The following SEPTIN11 variants were observed in gnomAD, a reference collection of about 807,000 sequenced individuals.
The protein encoded by SEPTIN11 is septin-11.
A neutral mutation model predicts 51.4 loss-of-function variants in SEPTIN11; 25 were observed. That is an observed-to-expected ratio of 0.49 (90% CI 0.35 to 0.68). The LOEUF is 0.68. Ranked by LOEUF, SEPTIN11 falls within the 30% of genes least tolerant of loss-of-function variation. SEPTIN11 has a pLI of 0.00. For missense variants in SEPTIN11, 381 were observed against 520.8 expected (o/e 0.73, Z 2.61); for synonymous variants, 174 against 184.1 (o/e 0.95, Z 0.44).
In SEPTIN11 at chr4:76,992,161, G is replaced by T. The variant is rs79720636; in HGVS notation, c.28-4264G>T. 6.7e-3 allele frequency among the ~76,000 whole-genome samples: 1,021 copies of T among 152,266 alleles called. 13 individuals carry two copies. Among genetic ancestry groups the T allele is most frequent in the African/African-American group, 0.023 (941 of 41,546 alleles). ...GGTTAAAACTAAGCATTATATTATA[G>T]GTTTCATGTGCCATCACTACAAAAA... is the stretch of plus-strand genomic sequence containing the variant. On this transcript the variant is annotated intron_variant, in intron 1 of 9. Transcript: ENST00000264893.
chr4:76,965,308 AGGCGTGGT>A (rs1200849310), intron 1 of SEPTIN11, among the ~76,000 whole-genome samples: 2 of 151,886 alleles, frequency 1.3e-5, no homozygotes, highest in Non-Finnish European at 2.9e-5. Flanking sequence ...AAAATTAGCC[AGGCGTGGT>A]GGCGTGCACC....
At chr4:77,008,814 C>T (rs1324822985) in intron 3 of SEPTIN11, among the ~76,000 whole-genome samples, 2 of 152,122 alleles carry the variant, frequency 1.3e-5, no homozygotes, top group Non-Finnish European at 2.9e-5. Flanking sequence ...TCCTGTCTTT[C>T]CTCTGATTGA....
At chr4:77,038,628 T>C, downstream of SEPTIN11, 2 of 994,758 alleles carry the variant, frequency 2.0e-6, no homozygotes, top group Non-Finnish European at 2.4e-6. Context: ...TGTGTGCCCT[T>C]TTTTGTGAGT....
chr4:77,035,278 T>C lies in SEPTIN11; in HGVS notation c.*766T>C, dbSNP rs1726951280. ...AAAGGTTGGATCATGTAACATTGCTTAGTAGAAGAATCTTCTTCTAAGGAT... is the reference window on the plus strand; with the variant it reads ...AAAGGTTGGATCATGTAACATTGCTCAGTAGAAGAATCTTCTTCTAAGGAT... On this transcript the variant is annotated 3_prime_UTR_variant, in exon 10 of 10. Coordinates refer to ENST00000264893, the MANE Select transcript of SEPTIN11 (RefSeq NM_018243.4). 3.0e-6 allele frequency: 3 copies of C among 985,446 alleles called. No homozygotes were observed. Among genetic ancestry groups the C allele is most frequent in the East Asian group, 1.1e-4 (1 of 8,812 alleles). The allele number at this position is 985,446 out of a possible 1,614,324, so 61.0% of individuals were successfully genotyped here. A position where few individuals can be genotyped will look rare whatever the true frequency, so the allele number is the denominator to read the frequency against.
rs189511129 is a variant in SEPTIN11, at chr4:77,036,515, A to T, written c.*2003A>T. ...CTAAAATTTTTTTAAAATGAGCATA[A>T]CAACGAAAGGCATCCAGCTGACTTT... On this transcript the variant is annotated 3_prime_UTR_variant, in exon 10 of 10. Coordinates refer to ENST00000264893, the MANE Select transcript of SEPTIN11 (RefSeq NM_018243.4). 86 of 1,363,394 alleles carry T rather than the reference A, an allele frequency of 6.3e-5. No individual in the cohort carries two copies. The highest frequency in any genetic ancestry group is 7.6e-5 in the Non-Finnish European group (81 of 1,061,402). 84.5% of individuals were successfully genotyped at this position (1,363,394 alleles called of 1,614,324 possible).
chr4:77,010,902 C>G (rs1724816778), intron 3 of SEPTIN11, among the ~76,000 whole-genome samples: 1 of 152,134 alleles, frequency 6.6e-6, no homozygotes, highest in Admixed American at 6.5e-5. Context: ...TACTTACTTC[C>G]TGGACATGTG....
In SEPTIN11 at chr4:76,981,066, G is replaced by T. The variant is rs184204567; in HGVS notation, c.28-15359G>T. Among the ~76,000 whole-genome samples, 29 of 152,328 alleles carry T rather than the reference G, an allele frequency of 1.9e-4. No homozygotes were observed. In the Middle Eastern group the frequency reaches 0.014, roughly 71 times the overall value. ...GACCCGATCTTGCTGAGAAGTCTGG[G>T]CTGCTGACCCAAACCTTTTGTGCTT... On this transcript the variant is annotated intron_variant, in intron 1 of 9. Coordinates refer to ENST00000264893, the MANE Select transcript of SEPTIN11 (RefSeq NM_018243.4).
Position 77,030,707 on chromosome 4 carries a change from T to C in SEPTIN11, c.1087-76T>C. On this transcript the variant is annotated intron_variant, in intron 8 of 9. Coordinates refer to ENST00000264893, the MANE Select transcript of SEPTIN11 (RefSeq NM_018243.4). ...ACCGTGCCTGGCCATGTTTTGTTTT[T>C]TGAACAGATCCAAAGAACTTTACAT... The C allele has an allele frequency of 7.8e-6, 11 of 1,411,784 alleles. No individual in the cohort carries two copies. In the South Asian group the frequency reaches 1.6e-4, roughly 21 times the overall value. 87.5% of individuals were successfully genotyped at this position (1,411,784 alleles called of 1,614,324 possible).
At chr4:77,001,613 G>A (rs1008705339) in intron 2 of SEPTIN11, among the ~76,000 whole-genome samples, 28 of 152,196 alleles carry the variant, frequency 1.8e-4, no homozygotes, top group African/African-American at 6.5e-4. Flanking sequence ...GCCTCCCAGA[G>A]TGTTGAGATT....
At chr4:77,006,487 C>G (rs1434738989) in intron 3 of SEPTIN11, among the ~76,000 whole-genome samples, 1 of 152,144 alleles carries the variant, frequency 6.6e-6, no homozygotes, top group Admixed American at 6.5e-5. Flanking sequence ...GTCTCAACCT[C>G]AGATGTCTTA....
intron 4 of SEPTIN11, 63 bp downstream of exon 4, chr4:77,011,984 TA>T: frequency 7.1e-7 from 1 of 1,410,494 alleles, no homozygotes; most frequent in Non-Finnish European, 9.8e-7. Context: ...CCTAATGCCC[TA>T]ATTTGTTCTC....
rs543183163 is a variant in SEPTIN11 at position 77,035,601 on chromosome 4, C to G, written c.*1089C>G. The G allele has an allele frequency of 8.2e-5, 81 of 985,408 alleles. 3 individuals carry two copies. The South Asian group carries it at 3.3e-3, about 41-fold the overall frequency. The allele number at this position is 985,408 out of a possible 1,614,324, so 61.0% of individuals were successfully genotyped here. ...AGTCAAGAAGGTAGACATTTCATAT[C>G]CAGCTTCCTTGCTTAGTCTCCTTTC... is the stretch of plus-strand genomic sequence containing the variant. On this transcript the variant is annotated 3_prime_UTR_variant, in exon 10 of 10. Coordinates refer to ENST00000264893, the MANE Select transcript of SEPTIN11 (RefSeq NM_018243.4).
chr4:76,996,647 T>G, intron 2 of SEPTIN11, 108 bp downstream of exon 2: 2 of 827,588 alleles, frequency 2.4e-6, no homozygotes, highest in South Asian at 3.4e-5. Context: ...TTATTCTCTT[T>G]CTTTCATCAG....
intron 3 of SEPTIN11, 115 bp downstream of exon 3, chr4:77,005,911 C>A: frequency 1.1e-6 from 1 of 892,278 alleles, no homozygotes; most frequent in Non-Finnish European, 1.7e-6. Flanking sequence ...GCTTGGTCCT[C>A]TATTGCCTAA....
intron 4 of SEPTIN11, among the ~76,000 whole-genome samples, chr4:77,013,119 A>G (rs563596456): frequency 6.6e-6 from 1 of 152,296 alleles, no homozygotes; most frequent in African/African-American, 2.4e-5. Context: ...GAGGCTTCCT[A>G]ATCGAGGGCT....
chr4:77,014,852 A>G lies in SEPTIN11; in HGVS notation c.526-4A>G, dbSNP rs369455784. On this transcript the variant is annotated splice_region_variant and splice_polypyrimidine_tract_variant and intron_variant, in intron 4 of 9. Coordinates refer to ENST00000264893, the MANE Select transcript of SEPTIN11 (RefSeq NM_018243.4). Reference sequence around the variant, plus strand: ...GTGTAAAAATGGACGTGTCTGTTTTACAGGTGAACATCATTCCAATAATTG... The same window carrying G: ...GTGTAAAAATGGACGTGTCTGTTTTGCAGGTGAACATCATTCCAATAATTG... 124 of 1,613,366 alleles carry G rather than the reference A, an allele frequency of 7.7e-5. No individual in the cohort carries two copies. In the African/African-American group the frequency reaches 1.6e-3, roughly 20 times the overall value.
chr4:77,037,485 C>T lies in SEPTIN11; in HGVS notation c.*2973C>T. On this transcript the variant is annotated 3_prime_UTR_variant, in exon 10 of 10. Transcript: ENST00000264893. ...AGCCAGAATGAGAAATTACCATCTT[C>T]TACTAGAGAAAACCAAGAGAAAAAT... 1 of 985,300 alleles carries T rather than the reference C, an allele frequency of 1.0e-6. No homozygotes were observed. 61.0% of individuals were successfully genotyped at this position (985,300 alleles called of 1,614,324 possible).
At chr4:77,006,772 T>C (rs967217571) in intron 3 of SEPTIN11, among the ~76,000 whole-genome samples, 4 of 152,184 alleles carry the variant, frequency 2.6e-5, no homozygotes, top group Non-Finnish European at 5.9e-5. Context: ...ATTATACACA[T>C]GTGTTTTGTA....
At chr4:76,951,681 G>A (rs1721356689) in intron 1 of SEPTIN11, among the ~76,000 whole-genome samples, 1 of 152,166 alleles carries the variant, frequency 6.6e-6, no homozygotes, top group Admixed American at 6.5e-5. Context: ...ACGTATTATT[G>A]CTGGTGCATT....
Sources: allele counts gnomAD v4.1 joint callset (sites outside exome capture counted in the v4.1 genomes callset), GRCh38; gene constraint gnomAD v4.1.1; transcripts MANE v1.5; gene names NCBI Gene and HGNC (gene_info 2026-07-23, HGNC 2026-07-21).